Variants in RAP1GAP observed in about 807,000 individuals in gnomAD.
RAP1GAP encodes RAP1 GTPase activating protein.
In RAP1GAP, 35 loss-of-function variants were observed where a neutral mutation model predicts 87.2. The observed-to-expected ratio is 0.40, with a 90% CI of 0.31 to 0.53. RAP1GAP has a LOEUF of 0.53. RAP1GAP is among the 20% of genes least tolerant of loss of function. The pLI is 0.48. For synonymous variants in RAP1GAP, 375 were observed against 363.9 expected (o/e 1.03, Z -0.35); for missense variants, 734 against 898.9 (o/e 0.82, Z 2.35).
chr1:21,645,174 AATG>A (rs1000457360), intron 2 of RAP1GAP, among the ~76,000 whole-genome samples: 1 of 152,192 alleles, frequency 6.6e-6, no homozygotes, highest in African/African-American at 2.4e-5. Context: ...TGGATGAATA[AATG>A]ATGAACAAAT....
At chr1:21,635,449 T>C (rs1360205686) in intron 2 of RAP1GAP, among the ~76,000 whole-genome samples, 2 of 152,154 alleles carry the variant, frequency 1.3e-5, no homozygotes, top group Non-Finnish European at 2.9e-5. Context: ...GAGTGGACAA[T>C]GGTGCTGGGT....
intron 10 of RAP1GAP, among the ~76,000 whole-genome samples, chr1:21,612,311 G>A (rs570190636): frequency 2.0e-5 from 3 of 152,138 alleles, no homozygotes; most frequent in Non-Finnish European, 4.4e-5. Context: ...TAGGGTCAAT[G>A]GCTTGCAAGC....
chr1:21,647,753 T>C (rs2096202977), intron 2 of RAP1GAP, among the ~76,000 whole-genome samples: 1 of 152,192 alleles, frequency 6.6e-6, no homozygotes, highest in Admixed American at 6.5e-5. Flanking sequence ...ATGCATGCTC[T>C]GTAGCAGCAG....
At chr1:21,635,113 A>G (rs1252658177) in intron 2 of RAP1GAP, among the ~76,000 whole-genome samples, 2 of 152,140 alleles carry the variant, frequency 1.3e-5, no homozygotes, top group Non-Finnish European at 2.9e-5. Context: ...TCCACCCCGA[A>G]GCTCAGCCCC....
chr1:21,614,162 C>G, intron 7 of RAP1GAP, 73 bp from the exon 8 acceptor site: 1 of 1,014,660 alleles, frequency 9.9e-7, no homozygotes, highest in South Asian at 1.4e-5. Context: ...GGCCAGAAAG[C>G]CAACCCACTC....
chr1:21,655,539 G>A (rs1255222896), intron 1 of RAP1GAP, among the ~76,000 whole-genome samples: 1 of 152,246 alleles, frequency 6.6e-6, no homozygotes, highest in Non-Finnish European at 1.5e-5. Context: ...CAGTCAGCAC[G>A]GGGTGCTTGC....
intron 21 of RAP1GAP, 120 bp downstream of exon 21, chr1:21,599,374 G>C (rs1035182202): frequency 3.5e-5 from 50 of 1,414,162 alleles, no homozygotes; most frequent in Non-Finnish European, 4.4e-5. Flanking sequence ...CCTTTGGGCC[G>C]GGTCCCCTGA....
intron 1 of RAP1GAP, among the ~76,000 whole-genome samples, chr1:21,658,493 A>G (rs2096955020): frequency 6.6e-6 from 1 of 152,142 alleles, no homozygotes; most frequent in South Asian, 2.1e-4. Context: ...GCATGAACCC[A>G]GGAGGCGGAG....
intron 1 of RAP1GAP, among the ~76,000 whole-genome samples, chr1:21,667,422 A>AAGAAG (rs1293539930): frequency 6.6e-6 from 1 of 152,174 alleles, no homozygotes; most frequent in Non-Finnish European, 1.5e-5. Context: ...GCACCTTGGG[A>AAGAAG]AGAAGAGAAG....
intron 19 of RAP1GAP, among the ~76,000 whole-genome samples, chr1:21,602,576 G>A (rs1170240251): frequency 6.6e-6 from 1 of 152,246 alleles, no homozygotes; most frequent in Non-Finnish European, 1.5e-5. Context: ...ATCTGGGCAA[G>A]CCCCTTGACT....
intron 13 of RAP1GAP, among the ~76,000 whole-genome samples, chr1:21,611,234 C>G (rs941819721): frequency 6.6e-6 from 1 of 152,234 alleles, no homozygotes; most frequent in Non-Finnish European, 1.5e-5. Flanking sequence ...TATGCACCCA[C>G]GCATTTATGC....
At chr1:21,608,816 A>G (rs932512895) in intron 16 of RAP1GAP, 34 bp downstream of exon 16, 1 of 1,578,654 alleles carries the variant, frequency 6.3e-7, no homozygotes, top group African/African-American at 1.3e-5. Flanking sequence ...GAAGGTGAGA[A>G]GAGGGTCACC....
intron 17 of RAP1GAP, 96 bp downstream of exon 17, chr1:21,608,117 C>T: frequency 6.6e-7 from 1 of 1,523,950 alleles, no homozygotes. Context: ...CCAGACTCCA[C>T]CCCCACGCCG....
chr1:21,614,608 G>A (rs1454556945), intron 7 of RAP1GAP, among the ~76,000 whole-genome samples: 1 of 152,200 alleles, frequency 6.6e-6, no homozygotes, highest in Non-Finnish European at 1.5e-5. Flanking sequence ...CAACACACAG[G>A]GTGGCTGGCC....
chr1:21,652,175 C>T lies in RAP1GAP; in HGVS notation c.-148-2379G>A, dbSNP rs944650118. Among the ~76,000 whole-genome samples, 218 of 151,606 alleles carry T rather than the reference C, an allele frequency of 1.4e-3. 2 individuals carry two copies. The highest frequency in any genetic ancestry group is 4.9e-3 in the African/African-American group (203 of 41,422). ...GTTGGAGGGACGCCCTCCTCCCGCC[C>T]CCTCGAGCCGCCGCGCTCCTCGGCG... On this transcript the variant is annotated intron_variant, in intron 1 of 24. Transcript: ENST00000374765.
At chr1:21,641,230 T>A (rs1407417563) in intron 2 of RAP1GAP, among the ~76,000 whole-genome samples, 3 of 152,052 alleles carry the variant, frequency 2.0e-5, no homozygotes, top group African/African-American at 7.2e-5. Flanking sequence ...TGGGGAGCAG[T>A]TCCTGATCTG....
intron 18 of RAP1GAP, among the ~76,000 whole-genome samples, chr1:21,605,330 G>A (rs1001268233): frequency 5.3e-5 from 8 of 152,156 alleles, no homozygotes; most frequent in African/African-American, 1.9e-4. Flanking sequence ...TGGCTGCTGC[G>A]GACACACAGT....
At chr1:21,607,901 C>T (rs1222554978) in intron 17 of RAP1GAP, among the ~76,000 whole-genome samples, 1 of 151,582 alleles carries the variant, frequency 6.6e-6, no homozygotes, top group Non-Finnish European at 1.5e-5. Flanking sequence ...CCTGACTCCA[C>T]CCCCAGCCAC....
rs542514995 is a variant in RAP1GAP, at chr1:21,645,219, C to G, written c.-113+4542G>C. Among the ~76,000 whole-genome samples the G allele has an allele frequency of 1.1e-4, 16 of 152,284 alleles. No individual in the cohort carries two copies. In the South Asian group the frequency reaches 2.3e-3, roughly 22 times the overall value. On this transcript the variant is annotated intron_variant, in intron 2 of 24. Transcript: ENST00000374765. ...AGCTCTATCGCTCTGAGGCTCTGTA[C>G]AGCCAGGAGCTTGGGCATCTAAGAT...
Sources: allele counts gnomAD v4.1 joint callset (sites outside exome capture counted in the v4.1 genomes callset), GRCh38; gene constraint gnomAD v4.1.1; transcripts MANE v1.5; gene names NCBI Gene and HGNC (gene_info 2026-07-23, HGNC 2026-07-21).